EFCAB8: variants seen among roughly 807,000 people sequenced by gnomAD.
EFCAB8 encodes EF-hand calcium binding domain 8, also known as EF-hand calcium-binding domain-containing protein 8.
A neutral mutation model predicts 116.3 loss-of-function variants in EFCAB8; 100 were observed. The ratio of observed to expected loss-of-function variants is 0.86; its 90% confidence interval spans 0.73 to 1.02. The LOEUF (loss-of-function observed/expected upper bound fraction) is 1.02, where lower values mean the gene tolerates loss of function less well. Ranked by LOEUF, EFCAB8 falls within the 50% of genes least tolerant of loss-of-function variation. EFCAB8 has a pLI of 0.00. For synonymous variants in EFCAB8, 558 were observed against 567.9 expected, an observed-to-expected ratio of 0.98 and a Z score of 0.25; for missense variants, 1,320 against 1,416.9, an observed-to-expected ratio of 0.93 and a Z score of 1.10.
chr20:32,863,500 G>A (rs1378512425), intron 1 of EFCAB8, among the ~76,000 whole-genome samples: 1 of 152,160 alleles, frequency 6.6e-6, no homozygotes. Context: ...CATTAAGTCA[G>A]GAGTAAAGAA....
chr20:32,957,133 A>G (rs1000284385), intron 23 of EFCAB8, among the ~76,000 whole-genome samples: 3 of 151,548 alleles, frequency 2.0e-5, no homozygotes, highest in African/African-American at 4.8e-5. Flanking sequence ...ATAGATTGCA[A>G]TTCTTTTCCA....
rs1276314779 is a variant in EFCAB8, at chr20:32,917,331, C to A, written c.1887C>A (p.Cys629Ter). The change falls in exon 18 of 27, where the codon TGC becomes TGA. Residue 629 changes from cysteine to a stop codon, truncating the protein, a stop_gained. Transcript: ENST00000400522. LOFTEE classifies it high-confidence loss of function. Reference protein sequence around the residue: ...LFHKTKPVLLCYHWQTYHTED... With the variant: ...LFHKTKPVLL ...ACAAGACCAAGCCAGTGCTCTTGTG[C>A]TACCACTGGCAGACCTACCACACGG... The A allele has an allele frequency of 4.6e-5, 72 of 1,551,586 alleles. No individual in the cohort carries two copies. Among genetic ancestry groups the A allele is most frequent in the Non-Finnish European group, 6.0e-5 (69 of 1,146,990 alleles).
chr20:32,930,435 C>T lies in EFCAB8; in HGVS notation c.2450C>T (p.Thr817Met), dbSNP rs758146944. ...CAGACCAGGCCTCGCCTGCCGCACACGGCTGCCCTGCTGAGCAGCTGCATG... is the reference window on the plus strand; with the variant it reads ...CAGACCAGGCCTCGCCTGCCGCACATGGCTGCCCTGCTGAGCAGCTGCATG... ...FLQTRPRLPHTAALLSSCMDG... is the reference protein window; with the variant it reads ...FLQTRPRLPHMAALLSSCMDG... The change falls in exon 21 of 27, where the codon ACG (threonine) becomes ATG (methionine). Residue 817 changes from threonine to methionine, a missense_variant. Transcript: ENST00000400522. The T allele has an allele frequency of 8.4e-6, 13 of 1,551,710 alleles. No homozygotes were observed. Among genetic ancestry groups the T allele is most frequent in the Middle Eastern group, 1.7e-4 (1 of 5,984 alleles).
intron 23 of EFCAB8, among the ~76,000 whole-genome samples, chr20:32,947,930 C>T (rs1988655459): frequency 7.0e-6 from 1 of 143,872 alleles, no homozygotes; most frequent in South Asian, 2.2e-4. Flanking sequence ...AAAAAAGAAA[C>T]TAGAAAGAAA....
At chr20:32,935,389 G>A (rs1205022255) in intron 22 of EFCAB8, among the ~76,000 whole-genome samples, 4 of 151,514 alleles carry the variant, frequency 2.6e-5, no homozygotes, top group South Asian at 4.2e-4. Context: ...CAGTAGAGAC[G>A]AGGTGTCACC....
intron 2 of EFCAB8, among the ~76,000 whole-genome samples, chr20:32,865,335 C>T (rs1241348251): frequency 6.6e-6 from 1 of 151,864 alleles, no homozygotes; most frequent in Non-Finnish European, 1.5e-5. Flanking sequence ...GAGTAAGCAC[C>T]GAATGCTTGC....
chr20:32,954,211 T>C (rs981746512), intron 23 of EFCAB8, among the ~76,000 whole-genome samples: 9 of 152,370 alleles, frequency 5.9e-5, no homozygotes, highest in South Asian at 2.1e-4. Flanking sequence ...CCTAATCCAA[T>C]GTTATGAAGC....
chr20:32,920,074 C>T lies in EFCAB8; in HGVS notation c.2275-4C>T. The T allele has an allele frequency of 1.3e-6, 2 of 1,551,714 alleles. No individual in the cohort carries two copies. Among genetic ancestry groups the T allele is most frequent in the Non-Finnish European group, 1.7e-6 (2 of 1,147,006 alleles). On this transcript the variant is annotated splice_polypyrimidine_tract_variant and splice_region_variant and intron_variant, in intron 19 of 26. Coordinates refer to ENST00000400522, the MANE Select transcript of EFCAB8 (RefSeq NM_001143967.2). ...GTGACTTGGGTGCCCATCTTTCTTT[C>T]CAGAAACCTTCCAGTGCTTCTGGCA...
chr20:32,906,108 G>A (rs181569267), intron 11 of EFCAB8, among the ~76,000 whole-genome samples: 1 of 152,256 alleles, frequency 6.6e-6, no homozygotes, highest in Middle Eastern at 3.4e-3. Context: ...ACGTAGCCAG[G>A]GTGGGGCACC....
chr20:32,925,886 C>G (rs111666616), intron 20 of EFCAB8, among the ~76,000 whole-genome samples: 22 of 152,376 alleles, frequency 1.4e-4, no homozygotes, highest in Middle Eastern at 3.4e-3. Flanking sequence ...TCCAGCAGCT[C>G]TTTCCAAAAT....
intron 9 of EFCAB8, among the ~76,000 whole-genome samples, chr20:32,896,183 C>T (rs1367411709): frequency 2.6e-5 from 4 of 152,140 alleles, no homozygotes; most frequent in African/African-American, 9.7e-5. Context: ...ACCTAGGAAG[C>T]GTGAGGTGCC....
rs912545182 is a variant in EFCAB8 at position 32,867,753 on chromosome 20, G to A, written c.208+6G>A. On this transcript the variant is annotated splice_donor_region_variant and intron_variant, in intron 3 of 26. Transcript: ENST00000400522. Reference sequence around the variant, plus strand: ...GGACATCAACTCGACTGGAGGTAAGGCCGCTCTGTAGGCTCGGTTTTTGTG... The same window carrying A: ...GGACATCAACTCGACTGGAGGTAAGACCGCTCTGTAGGCTCGGTTTTTGTG... 2 of 1,550,630 alleles carry A rather than the reference G, an allele frequency of 1.3e-6. No individual in the cohort carries two copies. The highest frequency in any genetic ancestry group is 2.7e-5 in the African/African-American group (2 of 73,028).
chr20:32,869,161 G>A (rs943669900), intron 3 of EFCAB8, among the ~76,000 whole-genome samples: 3 of 152,108 alleles, frequency 2.0e-5, no homozygotes, highest in African/African-American at 7.2e-5. Flanking sequence ...TCCTGGCCAC[G>A]CAGGATTCAC....
intron 3 of EFCAB8, among the ~76,000 whole-genome samples, chr20:32,871,520 A>C (rs1309598830): frequency 6.6e-6 from 1 of 152,080 alleles, no homozygotes; most frequent in Non-Finnish European, 1.5e-5. Flanking sequence ...AATTTTAACA[A>C]GTTTACCTCT....
intron 4 of EFCAB8, among the ~76,000 whole-genome samples, chr20:32,876,973 AAAAACAAAACAAAACAAAAAACTTACCT>A (rs1985006067): frequency 6.6e-6 from 1 of 152,092 alleles, no homozygotes; most frequent in Non-Finnish European, 1.5e-5. Context: ...GTCTCAGGAA[AAAAACAAAACAAAACAAAAAACTTACCT>A]CCATTTGACA....
chr20:32,912,721 A>C (rs1196403733), intron 16 of EFCAB8, 73 bp from the exon 17 acceptor site: 1 of 711,934 alleles, frequency 1.4e-6, no homozygotes, highest in Non-Finnish European at 2.6e-6. Flanking sequence ...TGGCACCTTT[A>C]GGAAGACATT....
intron 11 of EFCAB8, among the ~76,000 whole-genome samples, chr20:32,903,023 G>T (rs1296776800): frequency 6.6e-6 from 1 of 152,160 alleles, no homozygotes; most frequent in East Asian, 1.9e-4. Context: ...GGCCCTCTTA[G>T]CAGCCTCACC....
At chr20:32,862,043 T>C (rs919065816) in intron 1 of EFCAB8, among the ~76,000 whole-genome samples, 4 of 152,164 alleles carry the variant, frequency 2.6e-5, no homozygotes, top group African/African-American at 9.6e-5. Context: ...AGCTGTCTTG[T>C]GTGTTTCTCC....
At chr20:32,863,051 C>T (rs1205508205) in intron 1 of EFCAB8, among the ~76,000 whole-genome samples, 1 of 152,016 alleles carries the variant, frequency 6.6e-6, no homozygotes, top group Non-Finnish European at 1.5e-5. Context: ...TCCTCCCTCC[C>T]CTCTGCCTCC....
Sources: allele counts gnomAD v4.1 joint callset (sites outside exome capture counted in the v4.1 genomes callset), GRCh38; gene constraint gnomAD v4.1.1; transcripts MANE v1.5; gene names NCBI Gene and HGNC (gene_info 2026-07-23, HGNC 2026-07-21).